Variants in ZNF709 observed in about 807,000 individuals in gnomAD.
ZNF709 encodes zinc finger protein 709.
A neutral mutation model predicts 10.6 loss-of-function variants in ZNF709; 15 were observed. The observed-to-expected ratio is 1.41, with a 90% CI of 0.95 to 2.18. ZNF709 has a LOEUF of 2.18. Ranked by LOEUF, ZNF709 falls within the 30% of genes most tolerant of loss-of-function variation. The pLI is 0.00. For synonymous variants in ZNF709, 194 were observed against 238.8 expected (o/e 0.81, Z 1.73); for missense variants, 589 against 774.0 (o/e 0.76, Z 2.84).
Position 12,464,819 on chromosome 19 carries a change from T to G in ZNF709, c.1103A>C (p.Glu368Ala), listed in dbSNP as rs1261572703. The G allele has an allele frequency of 6.2e-7, 1 of 1,613,462 alleles. No homozygotes were observed. The highest frequency in any genetic ancestry group is 1.7e-5 in the Admixed American group (1 of 59,920). The change falls in exon 4 of 4, where the codon GAA (glutamate) becomes GCA (alanine). Residue 368 changes from glutamate (E) to alanine (A), a missense_variant. Glu to Ala is a moderately radical substitution (Grantham distance 107, BLOSUM62 -1). Transcript: ENST00000397732. The stretch of plus-strand genomic sequence containing the variant: ...AGGACAATCAAAGGCTTTCCCACAT[T>G]CCTTGCATTTATAAGGTCCATTTCC... ...HTGNGPYKCK[E>A]CGKAFDCPSS...
chr19:12,484,600 C>A, intron 1 of ZNF709, 55 bp downstream of exon 1: 2 of 1,606,034 alleles, frequency 1.2e-6, no homozygotes, highest in Non-Finnish European at 1.7e-6. Context: ...CAGATCCGGC[C>A]GGTTTCAACC....
chr19:12,481,214 CT>C, intron 1 of ZNF709: 1 of 982,706 alleles, frequency 1.0e-6, no homozygotes, highest in East Asian at 1.1e-4. Flanking sequence ...AACAAATATT[CT>C]GTTTGGTTCC....
chr19:12,479,941 T>C (rs1378375625), intron 1 of ZNF709, among the ~76,000 whole-genome samples: 3 of 151,974 alleles, frequency 2.0e-5, no homozygotes, highest in South Asian at 2.1e-4. Context: ...GTTGAGAGGA[T>C]TGCTTGAAGC....
chr19:12,463,889 T>C lies in ZNF709; in HGVS notation c.*107A>G. 1 of 987,494 alleles carries C rather than the reference T, an allele frequency of 1.0e-6. No homozygotes were observed. Among genetic ancestry groups the C allele is most frequent in the Non-Finnish European group, 1.4e-6 (1 of 727,114 alleles). 61.2% of individuals were successfully genotyped at this position (987,494 alleles called of 1,614,324 possible). ...TTGCAGTGAGCTGAGATCACTCTAC[T>C]GCACTCCAGCCAGGGCAACAGAGTG... On this transcript the variant is annotated 3_prime_UTR_variant, in exon 4 of 4. Coordinates refer to ENST00000397732, the MANE Select transcript of ZNF709 (RefSeq NM_152601.4).
At position 12,462,480 on chromosome 19, in the gene ZNF709, T is replaced by C. The variant is rs1970525715; in HGVS notation, c.*1516A>G. 6.6e-6 allele frequency: 1 copy of C among 152,178 alleles called. No individual in the cohort carries two copies. Among genetic ancestry groups the C allele is most frequent in the Non-Finnish European group, 1.5e-5 (1 of 68,044 alleles). 9.4% of individuals were successfully genotyped at this position (152,178 alleles called of 1,614,324 possible). Reference sequence around the variant, plus strand: ...TCTCTTATTAATACAAAGTCTATTATTCAAATCACAGCCAGAAGGAATTAC... The same window carrying C: ...TCTCTTATTAATACAAAGTCTATTACTCAAATCACAGCCAGAAGGAATTAC... On this transcript the variant is annotated 3_prime_UTR_variant, in exon 4 of 4. Transcript: ENST00000397732.
intron 1 of ZNF709, among the ~76,000 whole-genome samples, chr19:12,471,697 G>A (rs890361088): frequency 1.3e-5 from 2 of 152,214 alleles, no homozygotes; most frequent in Admixed American, 6.5e-5. Context: ...CCATTGTAGG[G>A]TAGTGGAAGA....
intron 1 of ZNF709, among the ~76,000 whole-genome samples, chr19:12,468,459 G>T (rs1970603698): frequency 6.6e-6 from 1 of 151,920 alleles, no homozygotes; most frequent in South Asian, 2.1e-4. Context: ...TAAGGGCGGT[G>T]CAAGATGTGC....
chr19:12,484,551 C>T, intron 1 of ZNF709, 104 bp downstream of exon 1: 11 of 1,519,058 alleles, frequency 7.2e-6, no homozygotes, highest in Admixed American at 3.5e-5. Context: ...TCCACAGACC[C>T]GGGAGACAAC....
intron 1 of ZNF709, among the ~76,000 whole-genome samples, chr19:12,478,282 AG>A (rs1180179900): frequency 6.6e-6 from 1 of 152,220 alleles, no homozygotes; most frequent in Non-Finnish European, 1.5e-5. Flanking sequence ...GTCCAGGCCA[AG>A]AAACACTACC....
At chr19:12,467,144 G>T (rs561573596) in intron 1 of ZNF709, among the ~76,000 whole-genome samples, 13 of 152,090 alleles carry the variant, frequency 8.5e-5, no homozygotes, top group Admixed American at 8.5e-4. Flanking sequence ...CTCTCCCCAC[G>T]GTCTCCCTCT....
chr19:12,476,851 A>G (rs1326393924), intron 1 of ZNF709, among the ~76,000 whole-genome samples: 1 of 152,096 alleles, frequency 6.6e-6, no homozygotes, highest in Non-Finnish European at 1.5e-5. Flanking sequence ...ACTTTTTGTA[A>G]GCTCTATTTT....
chr19:12,467,122 CTCTCCCTCTCCCTCTCCCCACGG>C (rs1478034088), intron 1 of ZNF709, among the ~76,000 whole-genome samples: 1 of 152,100 alleles, frequency 6.6e-6, no homozygotes, highest in Non-Finnish European at 1.5e-5. Context: ...CTATACGATA[CTCTCCCTCTCCCTCTCCCCACGG>C]TCTCCCTCTC....
At chr19:12,483,529 ATTTT>A (rs1970749303) in intron 1 of ZNF709, among the ~76,000 whole-genome samples, 1 of 151,356 alleles carries the variant, frequency 6.6e-6, no homozygotes, top group African/African-American at 2.4e-5. Flanking sequence ...CTAAAGGTTT[ATTTT>A]ATTTTATTTT....
chr19:12,463,775 A>G lies in ZNF709; in HGVS notation c.*221T>C. ...AACCCCATCTCTACTAAAAATACAA[A>G]AATTAAGTGGGCATGGTCGTTCACA... On this transcript the variant is annotated 3_prime_UTR_variant, in exon 4 of 4. Transcript: ENST00000397732. 2.7e-6 allele frequency: 1 copy of G among 366,636 alleles called. No homozygotes were observed. The highest frequency in any genetic ancestry group is 4.8e-6 in the Non-Finnish European group (1 of 208,774). The allele number at this position is 366,636 out of a possible 1,614,324, so 22.7% of individuals were successfully genotyped here. A position where few individuals can be genotyped will look rare whatever the true frequency, so the allele number is the denominator to read the frequency against.
intron 1 of ZNF709, among the ~76,000 whole-genome samples, chr19:12,472,189 A>C (rs1329755167): frequency 6.6e-6 from 1 of 152,132 alleles, no homozygotes; most frequent in Non-Finnish European, 1.5e-5. Context: ...ATAAGTAATA[A>C]AATAGCCAAA....
intron 1 of ZNF709, chr19:12,481,118 A>G (rs2145009440): frequency 1.0e-6 from 1 of 968,184 alleles, no homozygotes; most frequent in South Asian, 4.8e-5. Flanking sequence ...TGACATGCAC[A>G]TACAAAAACC....
intron 1 of ZNF709, among the ~76,000 whole-genome samples, chr19:12,481,910 T>A (rs1177615899): frequency 8.5e-5 from 10 of 118,192 alleles, no homozygotes; most frequent in Non-Finnish European, 1.5e-4. Flanking sequence ...GACACTGACT[T>A]AAAAAAAAAA....
chr19:12,465,078 A>G lies in ZNF709; in HGVS notation c.844T>C (p.Cys282Arg), dbSNP rs765389353. The change falls in exon 4 of 4, where the codon TGT (cysteine) becomes CGT (arginine). Residue 282 changes from cysteine to arginine, a missense_variant. By Grantham distance (180) the Cys-to-Arg change is radical. Around this residue, in one of 2 missense-constraint regions of ZNF709, gnomAD observed 418 missense variants for 496.3 expected, o/e 0.84. Coordinates refer to ENST00000397732, the MANE Select transcript of ZNF709 (RefSeq NM_152601.4). ...CTAAGAGCTTTACCACATTGCTTAC[A>G]CTGATAGGGTTTTTCCCCAGTGTGA... ...RTHTGEKPYQ[C>R]KQCGKALSCP... 2 of 1,613,232 alleles carry G rather than the reference A, an allele frequency of 1.2e-6. No homozygotes were observed. Among genetic ancestry groups the G allele is most frequent in the Middle Eastern group, 1.7e-4 (1 of 6,058 alleles).
Position 12,463,947 on chromosome 19 carries a change from A to AAAAAT in ZNF709, c.*48_*49insATTTT. ...AACTCAAAAAAAAAAAAAAAAAAAA[A>AAAAAT]GGAAATAGGACAACTGAAAACTTTG... On this transcript the variant is annotated 3_prime_UTR_variant, in exon 4 of 4. Coordinates refer to ENST00000397732, the MANE Select transcript of ZNF709 (RefSeq NM_152601.4). 3.3e-6 allele frequency: 4 copies of AAAAAT among 1,216,148 alleles called. No homozygotes were observed. The highest frequency in any genetic ancestry group is 4.4e-6 in the Non-Finnish European group (4 of 919,292). 75.3% of individuals were successfully genotyped at this position (1,216,148 alleles called of 1,614,324 possible). A position where few individuals can be genotyped will look rare whatever the true frequency, so the allele number is the denominator to read the frequency against.
Sources: gnomAD v4.1 joint callset for allele counts (sites outside exome capture counted in the v4.1 genomes callset) on GRCh38, gnomAD v4.1.1 for gene constraint, gnomAD v4.1.1 regional missense constraint, MANE v1.5 for transcripts, NCBI Gene and HGNC (gene_info 2026-07-23, HGNC 2026-07-21) for gene names.